The following C9orf43 variants were observed in gnomAD, a reference collection of about 807,000 sequenced individuals.
C9orf43 encodes the protein chromosome 9 open reading frame 43, also known as uncharacterized protein C9orf43.
C9orf43 carries 45 observed loss-of-function variants against 59.1 expected under a neutral mutation model. The observed-to-expected ratio is 0.76, with a 90% CI of 0.60 to 0.98. C9orf43 has a LOEUF of 0.98. Ranked by LOEUF, C9orf43 falls within the 50% of genes least tolerant of loss-of-function variation. C9orf43 has a pLI of 0.00. For missense variants in C9orf43, 533 were observed against 554.9 expected (o/e 0.96, Z 0.40); for synonymous variants, 203 against 196.8 (o/e 1.03, Z -0.26).
Position 113,421,092 on chromosome 9 carries a change from C to T in C9orf43, c.346-11C>T, listed in dbSNP as rs376939034. 32 of 1,606,114 alleles carry T rather than the reference C, an allele frequency of 2.0e-5. No homozygotes were observed. Among genetic ancestry groups the T allele is most frequent in the Admixed American group, 3.3e-5 (2 of 59,948 alleles). On this transcript the variant is annotated splice_polypyrimidine_tract_variant and intron_variant, in intron 4 of 13. Coordinates refer to ENST00000374165, the MANE Select transcript of C9orf43 (RefSeq NM_001278629.2). Reference sequence around the variant, plus strand: ...CTCAAGCCATACATAGGCTTTATATCTTTCTCTTAGTTTCCAGTGTTGAAT... The same window carrying T: ...CTCAAGCCATACATAGGCTTTATATTTTTCTCTTAGTTTCCAGTGTTGAAT...
intron 8 of C9orf43, among the ~76,000 whole-genome samples, chr9:113,424,662 G>A (rs1224688890): frequency 6.6e-6 from 1 of 152,044 alleles, no homozygotes; most frequent in Admixed American, 6.6e-5. Context: ...GAGTAGCTGG[G>A]ACTACAGGTG....
Position 113,429,437 on chromosome 9 carries a change from C to G in C9orf43, c.*51C>G. On this transcript the variant is annotated 3_prime_UTR_variant, in exon 14 of 14. Transcript: ENST00000374165. ...GGCATCCCCTGGGGCAGCCGTGTTC[C>G]AAAGCGGGATGGCTGGTATCCTGAG... The G allele has an allele frequency of 1.3e-6, 2 of 1,538,314 alleles. No individual in the cohort carries two copies. Among genetic ancestry groups the G allele is most frequent in the Non-Finnish European group, 1.8e-6 (2 of 1,117,742 alleles).
chr9:113,428,098 G>T (rs1291420948), intron 11 of C9orf43, 49 bp from the exon 12 acceptor site: 3 of 1,593,132 alleles, frequency 1.9e-6, no homozygotes, highest in Non-Finnish European at 2.6e-6. Context: ...CCCAAATAGG[G>T]TATGATATGG....
chr9:113,410,798 G>A lies in C9orf43; in HGVS notation c.-253G>A. 1 of 331,250 alleles carries A rather than the reference G, an allele frequency of 3.0e-6. No individual in the cohort carries two copies. The highest frequency in any genetic ancestry group is 4.4e-6 in the Non-Finnish European group (1 of 225,856). The allele number at this position is 331,250 out of a possible 1,614,324, so 20.5% of individuals were successfully genotyped here. ...CCGGGTCCGTTAATCTCACCGCGCC[G>A]CAAGGGGCCACGTTTTACCACTTGA... On this transcript the variant is annotated 5_prime_UTR_variant, in exon 1 of 14. Coordinates refer to ENST00000374165, the MANE Select transcript of C9orf43 (RefSeq NM_001278629.2).
At position 113,429,258 on chromosome 9, in the gene C9orf43, A is replaced by G. The variant is rs1828899946; in HGVS notation, c.1258A>G (p.Lys420Glu). ...AVPEAQAARQ[K>E]KISFNFSEIM... ...GCCAGAAGCCCAGGCTGCCAGGCAA[A>G]AGAAGATCTCCTTTAACTTTTCAGA... Residue 420 changes from lysine (K) to glutamate (E), a missense_variant, in exon 14 of 14, where the codon AAG (lysine) becomes GAG (glutamate). Lys to Glu is a moderately conservative substitution (Grantham distance 56). Transcript: ENST00000374165. The G allele has an allele frequency of 6.2e-7, 1 of 1,613,976 alleles. No individual in the cohort carries two copies. Among genetic ancestry groups the G allele is most frequent in the African/African-American group, 1.3e-5 (1 of 74,934 alleles).
intron 11 of C9orf43, among the ~76,000 whole-genome samples, chr9:113,427,055 A>G (rs910210662): frequency 1.3e-5 from 2 of 152,198 alleles, no homozygotes; most frequent in African/African-American, 4.8e-5. Context: ...AGAGTGGTCT[A>G]TCACACCAAA....
intron 3 of C9orf43, among the ~76,000 whole-genome samples, chr9:113,415,157 G>C (rs1185638484): frequency 6.7e-6 from 1 of 148,912 alleles, no homozygotes; most frequent in African/African-American, 2.5e-5. Context: ...CTTTTTTTTT[G>C]GTGGGGGATA....
At position 113,413,661 on chromosome 9, in the gene C9orf43, C is replaced by T. The variant is rs1828254442; in HGVS notation, c.151+17C>T. Reference sequence around the variant, plus strand: ...ATGCTGAAGGTGAATTAGCCAGCTTCTGTCCTCTCCCTCACGAGGTCCTTA... The same window carrying T: ...ATGCTGAAGGTGAATTAGCCAGCTTTTGTCCTCTCCCTCACGAGGTCCTTA... On this transcript the variant is annotated intron_variant, in intron 2 of 13. Coordinates refer to ENST00000374165, the MANE Select transcript of C9orf43 (RefSeq NM_001278629.2). The T allele has an allele frequency of 1.9e-6, 3 of 1,613,474 alleles. No individual in the cohort carries two copies. The African/African-American group carries it at 4.0e-5, about 22-fold the overall frequency.
In C9orf43 at chr9:113,424,163, C is replaced by T; in HGVS notation, c.657-3C>T. 1 of 1,604,060 alleles carries T rather than the reference C, an allele frequency of 6.2e-7. No individual in the cohort carries two copies. The highest frequency in any genetic ancestry group is 8.5e-7 in the Non-Finnish European group (1 of 1,175,680). On this transcript the variant is annotated splice_polypyrimidine_tract_variant and splice_region_variant and intron_variant, in intron 7 of 13. Coordinates refer to ENST00000374165, the MANE Select transcript of C9orf43 (RefSeq NM_001278629.2). The stretch of plus-strand genomic sequence containing the variant: ...CTGTCTGGCTGTCCTCTGTCCCCTT[C>T]AGACTTTTGCCAGGTGGAAAGCAAA...
At chr9:113,415,195 G>A (rs1828313143) in intron 3 of C9orf43, among the ~76,000 whole-genome samples, 1 of 151,780 alleles carries the variant, frequency 6.6e-6, no homozygotes, top group Non-Finnish European at 1.5e-5. Context: ...CTAGCCTGGA[G>A]TACAGTGTCG....
At chr9:113,411,257 A>G in intron 1 of C9orf43, 1 of 393,822 alleles carries the variant, frequency 2.5e-6, no homozygotes, top group Non-Finnish European at 3.4e-6. Flanking sequence ...TTCATCATAC[A>G]TTTTTTCCAG....
Position 113,419,185 on chromosome 9 carries a change from A to T in C9orf43, c.345+20A>T. On this transcript the variant is annotated intron_variant, in intron 4 of 13. Coordinates refer to ENST00000374165, the MANE Select transcript of C9orf43 (RefSeq NM_001278629.2). Reference sequence around the variant, plus strand: ...CCCAAAGTAAGTCATAGATTTTAAAAGTACTTCTTCAACATTTTTTCTTTA... The same window carrying T: ...CCCAAAGTAAGTCATAGATTTTAAATGTACTTCTTCAACATTTTTTCTTTA... The T allele has an allele frequency of 6.3e-7, 1 of 1,577,610 alleles. No individual in the cohort carries two copies. The highest frequency in any genetic ancestry group is 1.4e-5 in the African/African-American group (1 of 73,924).
intron 1 of C9orf43, among the ~76,000 whole-genome samples, chr9:113,411,422 C>T (rs1828142171): frequency 6.6e-6 from 1 of 151,842 alleles, no homozygotes; most frequent in African/African-American, 2.4e-5. Flanking sequence ...CCTCAGCCTC[C>T]TTAGTAGCTG....
chr9:113,428,562 A>G (rs1183469139), intron 12 of C9orf43, among the ~76,000 whole-genome samples: 5 of 152,224 alleles, frequency 3.3e-5, no homozygotes, highest in Admixed American at 6.5e-5. Context: ...CAAAGAAGCC[A>G]CAAGTCCATC....
At chr9:113,413,719 G>T in intron 2 of C9orf43, 40 bp from the exon 3 acceptor site, 1 of 1,611,512 alleles carries the variant, frequency 6.2e-7, no homozygotes, top group South Asian at 1.1e-5. Flanking sequence ...CTTTCTCCAG[G>T]CAGCAGGTTA....
Position 113,425,095 on chromosome 9 carries a change from C to G in C9orf43, c.865+19C>G. The G allele has an allele frequency of 6.2e-7, 1 of 1,610,262 alleles. No homozygotes were observed. Among genetic ancestry groups the G allele is most frequent in the Non-Finnish European group, 8.5e-7 (1 of 1,176,954 alleles). On this transcript the variant is annotated intron_variant, in intron 9 of 13. Coordinates refer to ENST00000374165, the MANE Select transcript of C9orf43 (RefSeq NM_001278629.2). ...ACAGAAGGTAGATTTGCTGTTGCTG[C>G]TGGATCTCTAAGCACCATTTTCTGT...
At chr9:113,424,599 TC>T (rs1375698518) in intron 8 of C9orf43, among the ~76,000 whole-genome samples, 1 of 151,594 alleles carries the variant, frequency 6.6e-6, no homozygotes, top group Non-Finnish European at 1.5e-5. Flanking sequence ...TGATCATGGC[TC>T]ACTGCAGCCT....
chr9:113,412,861 C>G (rs904041312), intron 1 of C9orf43, among the ~76,000 whole-genome samples: 2 of 152,218 alleles, frequency 1.3e-5, no homozygotes, highest in Non-Finnish European at 2.9e-5. Context: ...CTAGCAGTGT[C>G]TAGTGATTTG....
intron 10 of C9orf43, 24 bp downstream of exon 10, chr9:113,425,444 C>T: frequency 6.2e-7 from 1 of 1,602,776 alleles, no homozygotes; most frequent in Non-Finnish European, 8.5e-7. Flanking sequence ...GAGGGGCTTG[C>T]TGGGACTGGG....
Sources: allele counts gnomAD v4.1 joint callset (sites outside exome capture counted in the v4.1 genomes callset), GRCh38; gene constraint gnomAD v4.1.1; transcripts MANE v1.5; gene names NCBI Gene and HGNC (gene_info 2026-07-23, HGNC 2026-07-21).